RFC3: variants seen among roughly 807,000 people sequenced by gnomAD.
RFC3 encodes the protein A1 38 kDa subunit.
RFC3 carries 41 observed loss-of-function variants against 45.1 expected under a neutral mutation model. The observed-to-expected ratio is 0.91, with a 90% CI of 0.71 to 1.18. The LOEUF (loss-of-function observed/expected upper bound fraction) is 1.18, where lower values mean the gene tolerates loss of function less well. Among genes scored for constraint, RFC3 ranks in the 50% most tolerant of loss-of-function variants. The pLI is 0.00. For synonymous variants in RFC3, 149 were observed against 144.0 expected, an observed-to-expected ratio of 1.03 and a Z score of -0.25; for missense variants, 423 against 428.1, an observed-to-expected ratio of 0.99 and a Z score of 0.10.
downstream of RFC3, among the ~76,000 whole-genome samples, chr13:33,837,741 C>T (rs926000406): frequency 6.6e-6 from 1 of 152,046 alleles, no homozygotes; most frequent in Admixed American, 6.6e-5. Flanking sequence ...TTATCTTCTA[C>T]TTTTTCCCTC....
chr13:33,863,509 C>G (rs1210178186), intron 8 of RFC3, among the ~76,000 whole-genome samples: 1 of 152,210 alleles, frequency 6.6e-6, no homozygotes, highest in Non-Finnish European at 1.5e-5. Context: ...TTTAACCACA[C>G]CTGCATCAGC....
At chr13:33,946,216 T>C (rs2082953593) in intron 8 of RFC3, among the ~76,000 whole-genome samples, 1 of 152,208 alleles carries the variant, frequency 6.6e-6, no homozygotes, top group Admixed American at 6.5e-5. Flanking sequence ...AAGCGACTTA[T>C]TACAGCACTG....
At chr13:33,862,255 GTTTTT>G (rs142905743) in intron 8 of RFC3, among the ~76,000 whole-genome samples, 3 of 134,904 alleles carry the variant, frequency 2.2e-5, no homozygotes, top group Non-Finnish European at 4.7e-5. Flanking sequence ...TCTCAGCAAA[GTTTTT>G]TTTTTTTTTT....
downstream of RFC3, among the ~76,000 whole-genome samples, chr13:33,840,075 G>A (rs146727241): frequency 1.5e-4 from 23 of 152,274 alleles, no homozygotes; most frequent in African/African-American, 5.1e-4. Context: ...TGAGTAAGAA[G>A]CGTCTTGGTG....
At chr13:33,930,359 G>C (rs995747492) in intron 8 of RFC3, among the ~76,000 whole-genome samples, 1 of 152,108 alleles carries the variant, frequency 6.6e-6, no homozygotes, top group Non-Finnish European at 1.5e-5. Context: ...GAAACCACTG[G>C]TGTGACTCCA....
At chr13:33,829,394 A>G (rs3135596) in intron 4 of RFC3, 9,915 of 172,204 alleles carry the variant, frequency 0.058, 631 homozygotes, top group East Asian at 0.16. Context: ...GAAATGCAGC[A>G]CAGTACTTCC....
downstream of RFC3, among the ~76,000 whole-genome samples, chr13:33,970,751 C>G (rs553163644): frequency 2.0e-5 from 3 of 152,366 alleles, no homozygotes; most frequent in East Asian, 5.8e-4. Flanking sequence ...TCAGGGTTCT[C>G]TCACTGGTGG....
At chr13:33,949,925 T>C (rs2082978309) in intron 8 of RFC3, among the ~76,000 whole-genome samples, 1 of 152,194 alleles carries the variant, frequency 6.6e-6, no homozygotes, top group Non-Finnish European at 1.5e-5. Context: ...AAATATTGGC[T>C]TATCCTGGGT....
intron 2 of RFC3, among the ~76,000 whole-genome samples, chr13:33,823,020 A>T (rs975558090): frequency 2.0e-5 from 3 of 152,182 alleles, no homozygotes; most frequent in African/African-American, 7.2e-5. Flanking sequence ...ACAAATAGTC[A>T]CAGGAGAAAA....
At chr13:33,926,009 CAT>C (rs2082809714) in intron 8 of RFC3, among the ~76,000 whole-genome samples, 1 of 151,726 alleles carries the variant, frequency 6.6e-6, no homozygotes, top group Non-Finnish European at 1.5e-5. Context: ...ACATATACAC[CAT>C]GGAATACTAT....
At chr13:33,948,926 G>C (rs1372431820) in intron 8 of RFC3, among the ~76,000 whole-genome samples, 1 of 152,188 alleles carries the variant, frequency 6.6e-6, no homozygotes, top group Non-Finnish European at 1.5e-5. Context: ...GAAGCAACTT[G>C]TGTTGTCTCA....
chr13:33,842,490 G>A (rs74839581), downstream of RFC3, among the ~76,000 whole-genome samples: 4,537 of 152,146 alleles, frequency 0.03, 136 homozygotes, highest in African/African-American at 0.069. Flanking sequence ...AACTCTTAAC[G>A]TAGGAGTGCT....
intron 8 of RFC3, among the ~76,000 whole-genome samples, chr13:33,955,525 A>G (rs1189354764): frequency 1.3e-5 from 2 of 152,168 alleles, no homozygotes; most frequent in African/African-American, 4.8e-5. Flanking sequence ...CACCTTGACT[A>G]TAAACCTAAT....
chr13:33,897,300 C>A (rs1195107457), intron 8 of RFC3, among the ~76,000 whole-genome samples: 1 of 151,710 alleles, frequency 6.6e-6, no homozygotes, highest in South Asian at 2.1e-4. Context: ...TGTTTCTATT[C>A]TTTGTTTCTA....
At chr13:33,895,575 T>A (rs1220156137) in intron 8 of RFC3, among the ~76,000 whole-genome samples, 1 of 152,200 alleles carries the variant, frequency 6.6e-6, no homozygotes, top group Non-Finnish European at 1.5e-5. Flanking sequence ...TGGAAAACAG[T>A]GTGGATATTT....
intron 8 of RFC3, among the ~76,000 whole-genome samples, chr13:33,887,710 A>G (rs1028088733): frequency 1.3e-5 from 2 of 152,100 alleles, no homozygotes; most frequent in Non-Finnish European, 2.9e-5. Context: ...GCCCATGCCT[A>G]TGTCCTGAAT....
intron 8 of RFC3, among the ~76,000 whole-genome samples, chr13:33,869,378 A>G (rs1349996677): frequency 2.2e-5 from 3 of 139,022 alleles, no homozygotes; most frequent in African/African-American, 7.8e-5. Flanking sequence ...TGAGAGATGT[A>G]TAAAAAACTG....
intron 1 of RFC3, among the ~76,000 whole-genome samples, chr13:33,819,740 A>G (rs1007913863): frequency 3.3e-5 from 5 of 152,226 alleles, no homozygotes; most frequent in Non-Finnish European, 7.3e-5. Context: ...CAGAATTTGG[A>G]ATGTATATTT....
Position 33,830,780 on chromosome 13 carries a change from C to T in RFC3, c.635C>T (p.Ala212Val), listed in dbSNP as rs2082094784. The change falls in exon 6 of 9, where the codon GCT (alanine) becomes GTT (valine). Residue 212 changes from alanine to valine, a missense_variant. Coordinates refer to ENST00000380071, the MANE Select transcript of RFC3 (RefSeq NM_002915.4). ...KEGLNLPSQL[A>V]HRLAEKSCRN... is the part of the protein sequence containing the mutation. Reference sequence around the variant, plus strand: ...GGTCTGAATCTTCCTTCACAACTGGCTCATAGACTTGCAGAGAAGTCTTGT... The same window carrying T: ...GGTCTGAATCTTCCTTCACAACTGGTTCATAGACTTGCAGAGAAGTCTTGT... The T allele has an allele frequency of 6.2e-7, 1 of 1,613,206 alleles. No individual in the cohort carries two copies. The highest frequency in any genetic ancestry group is 8.5e-7 in the Non-Finnish European group (1 of 1,179,210).
Sources: allele counts gnomAD v4.1 joint callset (sites outside exome capture counted in the v4.1 genomes callset), GRCh38; gene constraint gnomAD v4.1.1; transcripts MANE v1.5; gene names NCBI Gene and HGNC (gene_info 2026-07-23, HGNC 2026-07-21).